Variants in GRID1 observed in about 807,000 individuals in gnomAD.
GRID1 encodes the protein glutamate ionotropic receptor delta type subunit 1.
GRID1 carries 28 observed loss-of-function variants against 98.0 expected under a neutral mutation model. The ratio of observed to expected loss-of-function variants is 0.29; its 90% CI spans 0.21 to 0.39. The LOEUF (loss-of-function observed/expected upper bound fraction) is 0.39, where lower values mean the gene tolerates loss of function less well. Among genes scored for constraint, GRID1 ranks in the 10% least tolerant of loss-of-function variants. The pLI is 1.00. For missense variants in GRID1, 1,111 were observed against 1,340.5 expected, an observed-to-expected ratio of 0.83 and a Z score of 2.67; for synonymous variants, 553 against 538.5, an observed-to-expected ratio of 1.03 and a Z score of -0.37.
intron 3 of GRID1, among the ~76,000 whole-genome samples, chr10:86,153,957 G>A (rs1445742663): frequency 6.6e-6 from 1 of 152,184 alleles, no homozygotes; most frequent in Non-Finnish European, 1.5e-5. Context: ...TCCTCGGGCT[G>A]ATCCATCACA....
intron 4 of GRID1, among the ~76,000 whole-genome samples, chr10:85,992,849 G>A (rs778580078): frequency 8.9e-4 from 136 of 152,132 alleles, no homozygotes; most frequent in Admixed American, 3.1e-3. Flanking sequence ...AGCAACTTGG[G>A]AGGCTGATGC....
rs561466235 is a variant in GRID1 at position 86,212,080 on chromosome 10, A to G, written c.236-5432T>C. Among the ~76,000 whole-genome samples the G allele has an allele frequency of 3.9e-5, 6 of 152,310 alleles. No homozygotes were observed. The South Asian group carries it at 1.2e-3, about 32-fold the overall frequency. On this transcript the variant is annotated intron_variant, in intron 2 of 15. Transcript: ENST00000327946. ...TCACTCTAGGCGCCATCACTAATCC[A>G]TGCCCACTATTCTCCATCCCCGTGG...
intron 5 of GRID1, among the ~76,000 whole-genome samples, chr10:85,903,414 C>T (rs1168403907): frequency 1.3e-5 from 2 of 152,022 alleles, no homozygotes; most frequent in Non-Finnish European, 2.9e-5. Flanking sequence ...ATTCAGAATC[C>T]AACTACTTCT....
At chr10:86,315,426 C>T (rs1847884550) in intron 2 of GRID1, among the ~76,000 whole-genome samples, 1 of 152,156 alleles carries the variant, frequency 6.6e-6, no homozygotes, top group African/African-American at 2.4e-5. Flanking sequence ...TCTATGTGGC[C>T]CAGGAAGGGG....
intron 2 of GRID1, among the ~76,000 whole-genome samples, chr10:86,361,886 G>C (rs968097778): frequency 6.6e-6 from 1 of 152,218 alleles, no homozygotes; most frequent in African/African-American, 2.4e-5. Context: ...AGGTGCCACA[G>C]GAACCAGCTG....
intron 4 of GRID1, among the ~76,000 whole-genome samples, chr10:86,093,573 C>T (rs1254059444): frequency 6.6e-6 from 1 of 152,084 alleles, no homozygotes; most frequent in African/African-American, 2.4e-5. Flanking sequence ...ACTATGAACA[C>T]CTTTATGCAC....
rs114607483 is a variant in GRID1, at chr10:86,180,131, G to A, written c.520+26233C>T. 4.4e-3 allele frequency among the ~76,000 whole-genome samples: 670 copies of A among 152,324 alleles called. 10 individuals carry two copies. The highest frequency in any genetic ancestry group is 0.016 in the African/African-American group (652 of 41,590). On this transcript the variant is annotated intron_variant, in intron 3 of 15. Transcript: ENST00000327946. Reference sequence around the variant, plus strand: ...GGGAGGCCAGCCCAGTGGTGGAGTGGTGGAGAGGTGCAGGAGAGGTGGCCG... The same window carrying A: ...GGGAGGCCAGCCCAGTGGTGGAGTGATGGAGAGGTGCAGGAGAGGTGGCCG...
rs1843252531 is a variant in GRID1, at chr10:85,869,176, A to G, written c.785T>C (p.Ile262Thr). 1 of 1,612,838 alleles carries G rather than the reference A, an allele frequency of 6.2e-7. No individual in the cohort carries two copies. The highest frequency in any genetic ancestry group is 1.7e-5 in the Admixed American group (1 of 59,992). ...CAGATCCAGGATCTCCGGGTCACTG[A>G]TTTCCTAGAAAAATAACCAGGCCCA... ...DSHWVFVNEE[I>T]SDPEILDLVH... Residue 262 changes from isoleucine (I) to threonine (T), a missense_variant, in exon 6 of 16, where the codon ATC becomes ACC. Transcript: ENST00000327946.
At chr10:85,998,055 TC>T (rs1842761325) in intron 4 of GRID1, among the ~76,000 whole-genome samples, 2 of 152,076 alleles carry the variant, frequency 1.3e-5, no homozygotes, top group South Asian at 4.1e-4. Flanking sequence ...TTTTATAGAC[TC>T]CAACACAACT....
chr10:85,606,892 A>G (rs1199661628), intron 15 of GRID1: 1 of 152,250 alleles, frequency 6.6e-6, no homozygotes, highest in East Asian at 1.9e-4. Flanking sequence ...CATCCTCATT[A>G]TCCCAAGGTT....
At chr10:86,250,497 T>C (rs968932807) in intron 2 of GRID1, among the ~76,000 whole-genome samples, 3 of 152,256 alleles carry the variant, frequency 2.0e-5, no homozygotes, top group Non-Finnish European at 4.4e-5. Context: ...TGCTGTGTTT[T>C]GGCTCCCAGT....
intron 4 of GRID1, among the ~76,000 whole-genome samples, chr10:86,075,521 A>T (rs1372692199): frequency 6.6e-6 from 1 of 152,116 alleles, no homozygotes. Flanking sequence ...TGAACTTCCA[A>T]CCTCCAGAAC....
chr10:86,286,972 T>A (rs543700671), intron 2 of GRID1, among the ~76,000 whole-genome samples: 4 of 152,248 alleles, frequency 2.6e-5, no homozygotes, highest in Admixed American at 2.6e-4. Flanking sequence ...CACCTGGTGT[T>A]GCTCCTATGA....
At chr10:85,765,838 G>A (rs1842192468) in intron 8 of GRID1, among the ~76,000 whole-genome samples, 1 of 152,168 alleles carries the variant, frequency 6.6e-6, no homozygotes, top group African/African-American at 2.4e-5. Context: ...ACTTTTTCTT[G>A]TATCTACTGC....
In GRID1 at chr10:85,613,428, G is replaced by A; in HGVS notation, c.2580C>T (p.Cys860=). Reference sequence around the variant, plus strand: ...TGACCTCCTTGGGGGTCTCCTGGTGGCACCGGTTGCTGTTCCACCACAACT... The same window carrying A: ...TGACCTCCTTGGGGGTCTCCTGGTGACACCGGTTGCTGTTCCACCACAACT... The part of the protein sequence containing the change: ...ALELWWNSNR[C]HQETPKEDKE... The change falls in exon 15 of 16, where the codon TGC becomes TGT. Residue 860 remains cysteine, a synonymous_variant. Transcript: ENST00000327946. 2 of 1,613,368 alleles carry A rather than the reference G, an allele frequency of 1.2e-6. No homozygotes were observed. Among genetic ancestry groups the A allele is most frequent in the South Asian group, 2.2e-5 (2 of 91,042 alleles).
At chr10:86,363,433 G>T (rs1049991931) in intron 2 of GRID1, among the ~76,000 whole-genome samples, 3 of 152,238 alleles carry the variant, frequency 2.0e-5, no homozygotes, top group African/African-American at 4.8e-5. Flanking sequence ...GGCTCTGGGG[G>T]CCGCGGGGCG....
At chr10:85,699,867 T>C (rs1381353567) in intron 12 of GRID1, among the ~76,000 whole-genome samples, 4 of 152,246 alleles carry the variant, frequency 2.6e-5, no homozygotes, top group Non-Finnish European at 5.9e-5. Flanking sequence ...CTTATTTTAG[T>C]TTACAAATGT....
intron 4 of GRID1, among the ~76,000 whole-genome samples, chr10:85,961,324 T>C (rs925800509): frequency 2.0e-5 from 3 of 151,844 alleles, no homozygotes. Flanking sequence ...GCCCAACAAG[T>C]CTCCCGCATC....
chr10:85,810,311 C>T (rs1367210293), intron 8 of GRID1, among the ~76,000 whole-genome samples: 1 of 152,194 alleles, frequency 6.6e-6, no homozygotes, highest in East Asian at 1.9e-4. Flanking sequence ...CCCAGCTGCT[C>T]AGAGCCTGGG....
Sources: gnomAD v4.1 joint callset for allele counts (sites outside exome capture counted in the v4.1 genomes callset) on GRCh38, gnomAD v4.1.1 for gene constraint, MANE v1.5 for transcripts, NCBI Gene and HGNC (gene_info 2026-07-23, HGNC 2026-07-21) for gene names.